HYCC2: variants seen among roughly 807,000 people sequenced by gnomAD.
The protein encoded by HYCC2 is hyccin 2.
the HYCC2 span, among the ~76,000 whole-genome samples, chr2:201,004,497 G>A: frequency 6.6e-6 from 1 of 152,168 alleles, no homozygotes; most frequent in Non-Finnish European, 1.5e-5. Context: ...ATGGCTATGG[G>A]GCAGATTCCT....
chr2:200,995,482 G>T, the HYCC2 span, among the ~76,000 whole-genome samples: 1 of 152,192 alleles, frequency 6.6e-6, no homozygotes. Context: ...ATGATTATGT[G>T]TACGTGAGTA....
the HYCC2 span, among the ~76,000 whole-genome samples, chr2:201,001,041 G>C: frequency 1.3e-5 from 2 of 151,934 alleles, no homozygotes; most frequent in Non-Finnish European, 2.9e-5. Flanking sequence ...AAGTGGCTGA[G>C]GCAGGAGAAT....
chr2:201,024,689 G>A, the HYCC2 span, among the ~76,000 whole-genome samples: 1 of 152,018 alleles, frequency 6.6e-6, no homozygotes, highest in Non-Finnish European at 1.5e-5. Context: ...ATCATAAAAT[G>A]AACCAAGAGA....
chr2:201,071,148 T>A, the HYCC2 span, among the ~76,000 whole-genome samples: 1,728 of 152,312 alleles, frequency 0.011, 17 homozygotes, highest in Non-Finnish European at 0.017. Flanking sequence ...GTGTTCAGAA[T>A]CTGACCGCCA....
chr2:201,035,304 T>G, the HYCC2 span, among the ~76,000 whole-genome samples: 1 of 152,196 alleles, frequency 6.6e-6, no homozygotes, highest in Non-Finnish European at 1.5e-5. Flanking sequence ...TTCGTTTCTT[T>G]TTATTCTTTT....
At chr2:201,070,032 A>G in the HYCC2 span, among the ~76,000 whole-genome samples, 1 of 152,194 alleles carries the variant, frequency 6.6e-6, no homozygotes, top group Non-Finnish European at 1.5e-5. Flanking sequence ...AATATTTCAA[A>G]CACCTTACAT....
At chr2:201,002,866 C>T in the HYCC2 span, among the ~76,000 whole-genome samples, 1 of 152,082 alleles carries the variant, frequency 6.6e-6, no homozygotes, top group Admixed American at 6.6e-5. Context: ...GGAATTTATC[C>T]TATAGATACT....
At chr2:200,993,007 G>T in the HYCC2 span, 1 of 1,566,510 alleles carries the variant, frequency 6.4e-7, no homozygotes, top group African/African-American at 1.4e-5. Flanking sequence ...ACAAACCCTA[G>T]GAAAATACAC....
chr2:201,046,376 C>T, the HYCC2 span, among the ~76,000 whole-genome samples: 1 of 152,130 alleles, frequency 6.6e-6, no homozygotes, highest in Non-Finnish European at 1.5e-5. Flanking sequence ...TTATCTCATA[C>T]ACTGGGCTTT....
the HYCC2 span, among the ~76,000 whole-genome samples, chr2:201,013,090 G>A: frequency 6.6e-6 from 1 of 151,862 alleles, no homozygotes; most frequent in Non-Finnish European, 1.5e-5. Context: ...ATACATCACT[G>A]GCATAAAATC....
At chr2:201,028,712 GA>G in the HYCC2 span, among the ~76,000 whole-genome samples, 2 of 152,182 alleles carry the variant, frequency 1.3e-5, no homozygotes, top group South Asian at 4.1e-4. Context: ...AAGAAACGGG[GA>G]AAGGATTCCC....
At chr2:201,026,211 CAAAG>C in the HYCC2 span, among the ~76,000 whole-genome samples, 1 of 152,138 alleles carries the variant, frequency 6.6e-6, no homozygotes, top group South Asian at 2.1e-4. Flanking sequence ...TCAAAAGAGA[CAAAG>C]AAGGCCATTA....
the HYCC2 span, among the ~76,000 whole-genome samples, chr2:201,033,654 T>G: frequency 1.3e-5 from 2 of 152,010 alleles, no homozygotes; most frequent in African/African-American, 2.4e-5. Context: ...TCTGCCCGCC[T>G]CGGCCTCCCA....
the HYCC2 span, chr2:200,980,623 T>C: frequency 6.5e-6 from 1 of 153,006 alleles, no homozygotes; most frequent in Non-Finnish European, 1.5e-5. Flanking sequence ...GGTCACAACT[T>C]GATTTAAATG....
the HYCC2 span, among the ~76,000 whole-genome samples, chr2:201,032,153 G>A: frequency 2.0e-5 from 3 of 151,844 alleles, no homozygotes; most frequent in African/African-American, 7.3e-5. Flanking sequence ...GTAGAGATGG[G>A]GTTTCACCAT....
chr2:201,030,095 A>G, the HYCC2 span, among the ~76,000 whole-genome samples: 1 of 152,112 alleles, frequency 6.6e-6, no homozygotes, highest in African/African-American at 2.4e-5. Context: ...TCAAAAACAA[A>G]AACAAAAAGT....
chr2:201,027,389 A>G, the HYCC2 span, among the ~76,000 whole-genome samples: 4 of 152,196 alleles, frequency 2.6e-5, no homozygotes, highest in Non-Finnish European at 5.9e-5. Flanking sequence ...AGAGGTACAA[A>G]GAGGAGCTGG....
the HYCC2 span, among the ~76,000 whole-genome samples, chr2:201,004,478 A>G: frequency 6.6e-6 from 1 of 152,224 alleles, no homozygotes; most frequent in Non-Finnish European, 1.5e-5. Flanking sequence ...AAACAGACAA[A>G]GACTGCAGAT....
At chr2:200,987,882 T>C in the HYCC2 span, among the ~76,000 whole-genome samples, 90 of 152,228 alleles carry the variant, frequency 5.9e-4, no homozygotes, top group Non-Finnish European at 1.2e-3. Context: ...TAAATCATTT[T>C]ATGAATAGCT....
Sources: allele counts gnomAD v4.1 joint callset (sites outside exome capture counted in the v4.1 genomes callset), GRCh38; gene constraint gnomAD v4.1.1; transcripts MANE v1.5; gene names NCBI Gene and HGNC (gene_info 2026-07-23, HGNC 2026-07-21).